The following RAF1 variants were observed in gnomAD, a reference collection of about 807,000 sequenced individuals.
RAF1 encodes RAF proto-oncogene serine/threonine-protein kinase.
A neutral mutation model predicts 81.1 loss-of-function variants in RAF1; 27 were observed. The ratio of observed to expected loss-of-function variants is 0.33; its 90% CI spans 0.25 to 0.46. The LOEUF (loss-of-function observed/expected upper bound fraction) is 0.46. RAF1 is among the 20% of genes least tolerant of loss of function. The pLI is 1.00. For missense variants in RAF1, 598 were observed against 826.0 expected (o/e 0.72, Z 3.38); for synonymous variants, 298 against 294.0 (o/e 1.01, Z -0.14).
At chr3:12,630,861 T>TGG (rs2059838924) in intron 1 of RAF1, among the ~76,000 whole-genome samples, 1 of 152,222 alleles carries the variant, frequency 6.6e-6, no homozygotes. Flanking sequence ...GGGAGTGCAG[T>TGG]GGCACGATCT....
At chr3:12,587,175 T>A (rs2058356840) in intron 14 of RAF1, 1 of 187,812 alleles carries the variant, frequency 5.3e-6, no homozygotes, top group Non-Finnish European at 1.1e-5. Context: ...CTTTCAACAT[T>A]TGGCTTGTAG....
chr3:12,595,623 G>C (rs192412850), intron 11 of RAF1, among the ~76,000 whole-genome samples: 66 of 151,872 alleles, frequency 4.3e-4, no homozygotes, highest in Non-Finnish European at 7.2e-4. Flanking sequence ...TTGAGTTCTC[G>C]GAGCAGGCCA....
chr3:12,651,801 G>A (rs1234089615), intron 1 of RAF1, among the ~76,000 whole-genome samples: 1 of 150,540 alleles, frequency 6.6e-6, no homozygotes, highest in Non-Finnish European at 1.5e-5. Flanking sequence ...CTTGAGGTCA[G>A]GAGGTTGAGA....
In RAF1 at chr3:12,635,623, T is replaced by A. The variant is rs1198511468; in HGVS notation, c.-26-16876A>T. On this transcript the variant is annotated intron_variant, in intron 1 of 17. Coordinates refer to ENST00000442415, the MANE Select transcript of RAF1 (RefSeq NM_001354689.3). The stretch of plus-strand genomic sequence containing the variant: ...TGCACTCCAGCCTGGGCAAAAAGAG[T>A]GAAACTCCAGCTCCAAAAAAAAAAA... Among the ~76,000 whole-genome samples the A allele has an allele frequency of 2.2e-3, 128 of 57,176 alleles. No homozygotes were observed. In the South Asian group the frequency reaches 0.051, roughly 23 times the overall value. 37.5% of individuals were successfully genotyped at this position (57,176 alleles called of 152,430 possible).
chr3:12,641,067 C>T (rs1226671214), intron 1 of RAF1, among the ~76,000 whole-genome samples: 1 of 152,058 alleles, frequency 6.6e-6, no homozygotes, highest in Admixed American at 6.6e-5. Flanking sequence ...TTTGTAGGGA[C>T]ATGGATAAAC....
intron 15 of RAF1, 34 bp downstream of exon 14, chr3:12,585,647 A>G (rs1322847352): frequency 6.5e-7 from 1 of 1,540,152 alleles, no homozygotes. Flanking sequence ...TTTGCCCTAT[A>G]CCAGAGACTG....
At chr3:12,650,193 T>A (rs1476580565) in intron 1 of RAF1, among the ~76,000 whole-genome samples, 2 of 146,202 alleles carry the variant, frequency 1.4e-5, no homozygotes, top group Non-Finnish European at 3.0e-5. Flanking sequence ...GGCATGGTAG[T>A]CATGCCTACA....
rs556328690 is a variant in RAF1, at chr3:12,632,754, C to T, written c.-26-14007G>A. On this transcript the variant is annotated intron_variant, in intron 1 of 17. Transcript: ENST00000442415. ...GGCTGATCCTTTTGTAGTTTATAAG[C>T]ATGATTGAGTTTTCACACTCATGTG... is the stretch of plus-strand genomic sequence containing the variant. Among the ~76,000 whole-genome samples, 335 of 152,288 alleles carry T rather than the reference C, an allele frequency of 2.2e-3. 1 individual carries two copies. The highest frequency in any genetic ancestry group is 7.7e-3 in the African/African-American group (321 of 41,562).
At position 12,600,374 on chromosome 3, in the gene RAF1, C is replaced by T. The variant is rs200706214; in HGVS notation, c.922+14G>A. On this transcript the variant is annotated intron_variant, in intron 9 of 17. Transcript: ENST00000442415. Reference sequence around the variant, plus strand: ...AAGCCCATTATTGTTGGCTAAATGACTATGGAAAAGTACCTGATTCGCTGT... The same window carrying T: ...AAGCCCATTATTGTTGGCTAAATGATTATGGAAAAGTACCTGATTCGCTGT... 1.9e-6 allele frequency: 3 copies of T among 1,614,080 alleles called. No individual in the cohort carries two copies. The highest frequency in any genetic ancestry group is 2.5e-6 in the Non-Finnish European group (3 of 1,179,998).
At chr3:12,647,531 T>A (rs1392582065) in intron 1 of RAF1, among the ~76,000 whole-genome samples, 2 of 148,488 alleles carry the variant, frequency 1.3e-5, no homozygotes, top group South Asian at 2.2e-4. Flanking sequence ...GAGGTCCAGG[T>A]TGCAGTGAGC....
chr3:12,625,631 T>C (rs936771106), intron 1 of RAF1, among the ~76,000 whole-genome samples: 38 of 152,058 alleles, frequency 2.5e-4, no homozygotes, highest in African/African-American at 8.9e-4. Context: ...GCAGGACTGG[T>C]TTAAAAACAA....
At chr3:12,655,456 C>G (rs2060662534) in intron 1 of RAF1, among the ~76,000 whole-genome samples, 1 of 152,168 alleles carries the variant, frequency 6.6e-6, no homozygotes, top group African/African-American at 2.4e-5. Context: ...AAAACTGGAA[C>G]CCTTGTGCTT....
intron 1 of RAF1, among the ~76,000 whole-genome samples, chr3:12,659,265 T>C (rs1040610341): frequency 7.9e-5 from 12 of 151,162 alleles, no homozygotes; most frequent in Non-Finnish European, 1.6e-4. Flanking sequence ...TCGTCTCTAC[T>C]AAAAATACAA....
At chr3:12,625,847 C>T (rs1263781041) in intron 1 of RAF1, among the ~76,000 whole-genome samples, 1 of 152,128 alleles carries the variant, frequency 6.6e-6, no homozygotes, top group Non-Finnish European at 1.5e-5. Context: ...GAGTCATTTT[C>T]CATAATTTAA....
At chr3:12,586,484 C>T (rs930183356) in intron 14 of RAF1, among the ~76,000 whole-genome samples, 21 of 152,184 alleles carry the variant, frequency 1.4e-4, no homozygotes, top group Non-Finnish European at 2.9e-4. Context: ...CAGGAATTCA[C>T]ACCTCCTTAA....
intron 1 of RAF1, among the ~76,000 whole-genome samples, chr3:12,623,794 T>C (rs1367106803): frequency 2.0e-5 from 1 of 50,968 alleles, no homozygotes; most frequent in African/African-American, 1.1e-4. Flanking sequence ...CGAGACTCTG[T>C]CTCAAAAAAA....
intron 2 of RAF1, among the ~76,000 whole-genome samples, chr3:12,615,709 G>A (rs1011788949): frequency 1.3e-5 from 2 of 152,164 alleles, no homozygotes; most frequent in Non-Finnish European, 2.9e-5. Context: ...CACCAGCTGT[G>A]CTCAAATGGA....
rs111684164 is a variant in RAF1 at position 12,633,702 on chromosome 3, G to A, written c.-26-14955C>T. Among the ~76,000 whole-genome samples the A allele has an allele frequency of 4.7e-3, 716 of 151,168 alleles. 8 individuals carry two copies. Among genetic ancestry groups the A allele is most frequent in the African/African-American group, 0.016 (661 of 41,268 alleles). On this transcript the variant is annotated intron_variant, in intron 1 of 17. Coordinates refer to ENST00000442415, the MANE Select transcript of RAF1 (RefSeq NM_001354689.3). ...TGTAATCCCAGCACTTTGGGAAGCCGAGGCGGGCGGATCATGAGGTCAAGA... is the reference window on the plus strand; with the variant it reads ...TGTAATCCCAGCACTTTGGGAAGCCAAGGCGGGCGGATCATGAGGTCAAGA...
chr3:12,611,586 G>C (rs1270059577), intron 3 of RAF1, among the ~76,000 whole-genome samples: 1 of 151,998 alleles, frequency 6.6e-6, no homozygotes, highest in Admixed American at 6.6e-5. Flanking sequence ...TGTAGTCCCA[G>C]CTACTCCGGA....
Sources: gnomAD v4.1 joint callset for allele counts (sites outside exome capture counted in the v4.1 genomes callset) on GRCh38, gnomAD v4.1.1 for gene constraint, MANE v1.5 for transcripts, NCBI Gene and HGNC (gene_info 2026-07-23, HGNC 2026-07-21) for gene names.